The following TTI2 variants were observed in gnomAD, a reference collection of about 807,000 sequenced individuals.
The protein encoded by TTI2 is TELO2-interacting protein 2.
In TTI2, 26 loss-of-function variants were observed where a neutral mutation model predicts 44.9. That is an observed-to-expected ratio of 0.58 (90% CI 0.42 to 0.80). The LOEUF (loss-of-function observed/expected upper bound fraction) is 0.80. TTI2 is among the 30% of genes least tolerant of loss of function. The pLI is 0.00. For synonymous variants in TTI2, 254 were observed against 250.9 expected, an observed-to-expected ratio of 1.01 and a Z score of -0.12; for missense variants, 582 against 611.6, an observed-to-expected ratio of 0.95 and a Z score of 0.51.
At chr8:33,509,470 AAAAAAAG>A (rs1397676773) in intron 3 of TTI2, among the ~76,000 whole-genome samples, 1 of 147,162 alleles carries the variant, frequency 6.8e-6, no homozygotes, top group Non-Finnish European at 1.5e-5. Flanking sequence ...AAAAAAAAAA[AAAAAAAG>A]AAAGAAAGAA....
intron 7 of TTI2, chr8:33,499,696 C>T: frequency 5.7e-6 from 1 of 174,420 alleles, no homozygotes; most frequent in East Asian, 1.6e-4. Flanking sequence ...GTAGATTGTC[C>T]AGTGACTTAT....
chr8:33,507,955 C>T (rs1258589231), intron 3 of TTI2, among the ~76,000 whole-genome samples: 1 of 144,606 alleles, frequency 6.9e-6, no homozygotes, highest in Non-Finnish European at 1.5e-5. Context: ...TGCCACTGCA[C>T]TCTAGCCTGG....
rs1161985300 is a variant in TTI2, at chr8:33,511,978, G to C, written c.636C>G (p.Pro212=). The change falls in exon 2 of 8, where the codon CCC becomes CCG. Residue 212 remains proline (P), a synonymous_variant. Transcript: ENST00000431156. ...GCAGGAGTACTCACTTATACAAGTC[G>C]GGTTTGAGAAGCCCTAGTATCACCG... ...RLSVILGLLK[P]DLYKESWKNN... 6.2e-7 allele frequency: 1 copy of C among 1,614,136 alleles called. No individual in the cohort carries two copies. The highest frequency in any genetic ancestry group is 1.1e-5 in the South Asian group (1 of 91,076).
chr8:33,508,861 G>A (rs1809402976), intron 3 of TTI2, among the ~76,000 whole-genome samples: 1 of 151,992 alleles, frequency 6.6e-6, no homozygotes, highest in Non-Finnish European at 1.5e-5. Flanking sequence ...TCAACTGTAG[G>A]CCGGGCGGGG....
intron 6 of TTI2, 168 bp from the exon 7 acceptor site, chr8:33,500,658 T>A: frequency 1.4e-6 from 1 of 733,230 alleles, no homozygotes; most frequent in Non-Finnish European, 2.2e-6. Flanking sequence ...CCTCTAGATT[T>A]CTTACCCTCA....
intron 4 of TTI2, among the ~76,000 whole-genome samples, chr8:33,505,234 T>A (rs893647661): frequency 7.3e-5 from 11 of 151,626 alleles, no homozygotes; most frequent in Non-Finnish European, 2.9e-5. Context: ...AAAAATAAAT[T>A]AAATAAAATA....
chr8:33,503,798 G>A lies in TTI2; in HGVS notation c.1065C>T (p.Arg355=). Residue 355 remains arginine (R), a synonymous_variant, in exon 5 of 8, where the codon CGC becomes CGT. Coordinates refer to ENST00000431156, the MANE Select transcript of TTI2 (RefSeq NM_001102401.4). The part of the protein sequence containing the change: ...LILTHMEPEH[R]LLLRRTYARN... ...TTGCGTAGGTCCTGCGTAAAAGAAG[G>A]CGGTGCTCTGGCTCCATGTGGGTCA... The A allele has an allele frequency of 6.2e-7, 1 of 1,614,088 alleles. No individual in the cohort carries two copies. The highest frequency in any genetic ancestry group is 8.5e-7 in the Non-Finnish European group (1 of 1,180,020).
At position 33,503,766 on chromosome 8, in the gene TTI2, AG is replaced by A; in HGVS notation, c.1096del (p.Leu366CysfsTer5). 1 of 1,613,878 alleles carries A rather than the reference AG, an allele frequency of 6.2e-7. No individual in the cohort carries two copies. Among genetic ancestry groups the A allele is most frequent in the Non-Finnish European group, 8.5e-7 (1 of 1,180,000 alleles). On this transcript the variant is annotated frameshift_variant, in exon 5 of 8. Coordinates refer to ENST00000431156, the MANE Select transcript of TTI2 (RefSeq NM_001102401.4). LOFTEE classifies it high-confidence loss of function. The part of the protein sequence containing the change: ...LLLRRTYARN[L>X]PAFVNRLGIL... ...GCCTCACCTGTTCACGAAAGCCGGCAGGTTTCTTGCGTAGGTCCTGCGTAAA... is the reference window on the plus strand; with the variant it reads ...GCCTCACCTGTTCACGAAAGCCGGCAGTTTCTTGCGTAGGTCCTGCGTAAA...
At chr8:33,508,523 A>G (rs903568111) in intron 3 of TTI2, among the ~76,000 whole-genome samples, 1 of 147,256 alleles carries the variant, frequency 6.8e-6, no homozygotes, top group Non-Finnish European at 1.5e-5. Flanking sequence ...ACGCACAAGA[A>G]TCGTTTGAAC....
At chr8:33,503,128 C>CA (rs397973510) in intron 6 of TTI2, among the ~76,000 whole-genome samples, 6,934 of 46,628 alleles carry the variant, frequency 0.15, 476 homozygotes, top group African/African-American at 0.3. Context: ...GACTCCATTT[C>CA]AAAAAAAAAA....
intron 7 of TTI2, 128 bp from the exon 8 acceptor site, chr8:33,499,405 A>C: frequency 4.2e-6 from 3 of 711,728 alleles, no homozygotes; most frequent in Non-Finnish European, 7.5e-6. Context: ...GGGACAGGTC[A>C]CTAAGCAGAA....
At chr8:33,499,468 T>C (rs1403960845) in intron 7 of TTI2, 191 bp from the exon 8 acceptor site, 4 of 531,110 alleles carry the variant, frequency 7.5e-6, no homozygotes, top group East Asian at 6.5e-5. Flanking sequence ...TCTCATGTAT[T>C]GAAGGTGCTA....
intron 6 of TTI2, among the ~76,000 whole-genome samples, chr8:33,501,598 A>C (rs1422351591): frequency 1.3e-5 from 2 of 152,240 alleles, no homozygotes; most frequent in Non-Finnish European, 2.9e-5. Context: ...AGAATATAAT[A>C]GATGTGGTTT....
intron 6 of TTI2, 74 bp from the exon 7 acceptor site, chr8:33,500,564 T>G: frequency 1.3e-6 from 2 of 1,559,502 alleles, no homozygotes; most frequent in Non-Finnish European, 1.8e-6. Context: ...TCAAAGACTG[T>G]CAAGTGGAAA....
At position 33,503,575 on chromosome 8, in the gene TTI2, A is replaced by T; in HGVS notation, c.1116-3T>A. On this transcript the variant is annotated splice_polypyrimidine_tract_variant and splice_region_variant and intron_variant, in intron 5 of 7. Coordinates refer to ENST00000431156, the MANE Select transcript of TTI2 (RefSeq NM_001102401.4). ...GCCGGACAGTTAGGATCCCCAACCT[A>T]AAGATGAAAGAGAAAATATGACGCC... 1.9e-6 allele frequency: 3 copies of T among 1,613,798 alleles called. No individual in the cohort carries two copies. Among genetic ancestry groups the T allele is most frequent in the Non-Finnish European group, 2.5e-6 (3 of 1,180,014 alleles).
At chr8:33,503,227 A>C (rs1809165469) in intron 6 of TTI2, among the ~76,000 whole-genome samples, 2 of 152,178 alleles carry the variant, frequency 1.3e-5, no homozygotes, top group Admixed American at 1.3e-4. Flanking sequence ...AAAAGAGTCA[A>C]CTATGAGCAC....
At chr8:33,504,289 ATTTTTTTTTT>A (rs1169577360) in intron 4 of TTI2, among the ~76,000 whole-genome samples, 6 of 72,978 alleles carry the variant, frequency 8.2e-5, no homozygotes, top group South Asian at 5.5e-4. Flanking sequence ...ATATTTACAC[ATTTTTTTTTT>A]TTTTTTTTTT....
At chr8:33,507,791 C>T (rs1809353071) in intron 3 of TTI2, among the ~76,000 whole-genome samples, 1 of 151,532 alleles carries the variant, frequency 6.6e-6, no homozygotes. Context: ...TGACAGCAGC[C>T]TGGGCAACAG....
At chr8:33,503,599 C>G in intron 5 of TTI2, 27 bp from the exon 6 acceptor site, 1 of 1,612,888 alleles carries the variant, frequency 6.2e-7, no homozygotes, top group Non-Finnish European at 8.5e-7. Context: ...AAATATGACG[C>G]CAGTGCAGTG....
Sources: allele counts gnomAD v4.1 joint callset (sites outside exome capture counted in the v4.1 genomes callset), GRCh38; gene constraint gnomAD v4.1.1; transcripts MANE v1.5; gene names NCBI Gene and HGNC (gene_info 2026-07-23, HGNC 2026-07-21).